DLG1: variants seen among roughly 807,000 people sequenced by gnomAD.
DLG1 encodes the protein discs large MAGUK scaffold protein 1.
DLG1 carries 42 observed loss-of-function variants against 123.4 expected under a neutral mutation model. That is an observed-to-expected ratio of 0.34 (90% CI 0.27 to 0.44). DLG1 has a LOEUF of 0.44. DLG1 is among the 20% of genes least tolerant of loss of function. The probability of loss-of-function intolerance (pLI) is 1.00; values close to 1 mark genes in which losing one functional copy is unlikely to be tolerated. For synonymous variants in DLG1, 317 were observed against 356.2 expected, an observed-to-expected ratio of 0.89 and a Z score of 1.24; for missense variants, 942 against 1,082.6, an observed-to-expected ratio of 0.87 and a Z score of 1.82.
chr3:197,295,634 T>C (rs1004337269), intron 3 of DLG1, among the ~76,000 whole-genome samples: 2 of 152,168 alleles, frequency 1.3e-5, no homozygotes, highest in African/African-American at 4.8e-5. Flanking sequence ...ATGATGCTTT[T>C]AAAAATGATT....
chr3:197,284,406 T>C (rs1477866673), intron 3 of DLG1, among the ~76,000 whole-genome samples: 1 of 152,168 alleles, frequency 6.6e-6, no homozygotes, highest in Admixed American at 6.5e-5. Context: ...TCAATACTAT[T>C]TTATCAGGAA....
chr3:197,222,526 T>C (rs906482923), intron 4 of DLG1, among the ~76,000 whole-genome samples: 1 of 152,114 alleles, frequency 6.6e-6, no homozygotes, highest in Non-Finnish European at 1.5e-5. Flanking sequence ...AATTGTAAGA[T>C]AGGTCTTCTC....
In DLG1 at chr3:197,148,897, A is replaced by G. The variant is rs114838323; in HGVS notation, c.537+846T>C. Among the ~76,000 whole-genome samples the G allele has an allele frequency of 6.4e-3, 973 of 152,336 alleles. 14 individuals carry two copies. Among genetic ancestry groups the G allele is most frequent in the Non-Finnish European group, 6.7e-3 (454 of 68,030 alleles). On this transcript the variant is annotated intron_variant, in intron 6 of 24. Transcript: ENST00000667157. ...TCCACTTAAACTTCAACAAAAATGTAGCAGTATATTTTTACCCCATACTGT... is the reference window on the plus strand; with the variant it reads ...TCCACTTAAACTTCAACAAAAATGTGGCAGTATATTTTTACCCCATACTGT...
At chr3:197,070,564 C>CTTTTTTTTTTTTTTTTTTTTTTTT (rs1491200833) in intron 18 of DLG1, 2 of 44,924 alleles carry the variant, frequency 4.5e-5, no homozygotes, top group African/African-American at 6.5e-5. Flanking sequence ...CTGGAAATTT[C>CTTTTTTTTTTTTTTTTTTTTTTTT]ATTTTTTTTT....
intron 4 of DLG1, among the ~76,000 whole-genome samples, chr3:197,275,558 T>C (rs1429187729): frequency 1.3e-5 from 2 of 152,252 alleles, no homozygotes; most frequent in South Asian, 2.1e-4. Context: ...GAATATTATT[T>C]AGCCATAACA....
chr3:197,082,676 AG>A (rs753345988), intron 16 of DLG1, among the ~76,000 whole-genome samples: 2 of 152,220 alleles, frequency 1.3e-5, no homozygotes, highest in Non-Finnish European at 2.9e-5. Flanking sequence ...GTTCTATTTA[AG>A]AAAAGGTAAG....
At chr3:197,055,445 T>C (rs1369442711) in intron 23 of DLG1, among the ~76,000 whole-genome samples, 1 of 152,254 alleles carries the variant, frequency 6.6e-6, no homozygotes, top group Non-Finnish European at 1.5e-5. Context: ...CACATTTAAA[T>C]CTTACAATGT....
chr3:197,064,010 T>A (rs149295350), intron 22 of DLG1, among the ~76,000 whole-genome samples: 1 of 149,166 alleles, frequency 6.7e-6, no homozygotes, highest in African/African-American at 2.5e-5. Context: ...CTCACTGCAA[T>A]CTCCTGGGTT....
chr3:197,196,738 C>T (rs1722720828), intron 4 of DLG1, among the ~76,000 whole-genome samples: 1 of 152,124 alleles, frequency 6.6e-6, no homozygotes, highest in Admixed American at 6.5e-5. Context: ...TCTACATCTT[C>T]TAATAGGACA....
intron 8 of DLG1, among the ~76,000 whole-genome samples, chr3:197,139,217 G>T (rs529729372): frequency 1.2e-3 from 182 of 152,114 alleles, no homozygotes; most frequent in African/African-American, 4.2e-3. Context: ...TCTCAAATTG[G>T]GTAGAGAGGG....
intron 4 of DLG1, among the ~76,000 whole-genome samples, chr3:197,222,248 T>C (rs956278244): frequency 6.6e-6 from 1 of 152,152 alleles, no homozygotes; most frequent in African/African-American, 2.4e-5. Context: ...AGACATCTAC[T>C]AGCTTCATAA....
intron 5 of DLG1, among the ~76,000 whole-genome samples, chr3:197,173,950 G>C (rs1805653726): frequency 6.6e-6 from 1 of 152,186 alleles, no homozygotes; most frequent in South Asian, 2.1e-4. Flanking sequence ...AGGTATGGTG[G>C]TGCACATCTG....
At chr3:197,282,995 C>G in intron 3 of DLG1, 150 bp from the exon 4 acceptor site, 1 of 485,172 alleles carries the variant, frequency 2.1e-6, no homozygotes, top group Non-Finnish European at 3.6e-6. Flanking sequence ...TGAATATTAT[C>G]TTATTTCATT....
chr3:197,156,647 G>A (rs370858425), intron 5 of DLG1, among the ~76,000 whole-genome samples: 1 of 152,112 alleles, frequency 6.6e-6, no homozygotes, highest in East Asian at 1.9e-4. Flanking sequence ...AGGAGAGCAG[G>A]AGTGGCTGTA....
intron 5 of DLG1, among the ~76,000 whole-genome samples, chr3:197,154,873 A>G (rs1795667549): frequency 6.6e-6 from 1 of 152,180 alleles, no homozygotes; most frequent in South Asian, 2.1e-4. Context: ...GACAAGGGAA[A>G]GTACTGAGTC....
intron 4 of DLG1, among the ~76,000 whole-genome samples, chr3:197,229,280 G>C (rs1309399120): frequency 6.6e-6 from 1 of 151,774 alleles, no homozygotes. Context: ...ATTACTTGAG[G>C]CCAGAAGTTC....
chr3:197,167,881 GTTTA>G (rs1802201685), intron 5 of DLG1, among the ~76,000 whole-genome samples: 1 of 152,128 alleles, frequency 6.6e-6, no homozygotes, highest in African/African-American at 2.4e-5. Flanking sequence ...GGACACTAAA[GTTTA>G]TTTTTTAAGT....
chr3:197,127,424 A>C (rs1202820115), intron 11 of DLG1, among the ~76,000 whole-genome samples: 3 of 38,422 alleles, frequency 7.8e-5, no homozygotes, highest in Non-Finnish European at 1.3e-4. Context: ...TTCTGTCTCC[A>C]AAAAAAAAAA....
chr3:197,113,427 T>C (rs1435375141), intron 13 of DLG1, among the ~76,000 whole-genome samples: 1 of 152,212 alleles, frequency 6.6e-6, no homozygotes, highest in Non-Finnish European at 1.5e-5. Context: ...TTATACTTCA[T>C]GTATTTTGAA....
Sources: gnomAD v4.1 joint callset for allele counts (sites outside exome capture counted in the v4.1 genomes callset) on GRCh38, gnomAD v4.1.1 for gene constraint, MANE v1.5 for transcripts, NCBI Gene and HGNC (gene_info 2026-07-23, HGNC 2026-07-21) for gene names.